Variants in CTNNA1 observed in about 807,000 individuals in gnomAD.
The protein encoded by CTNNA1 is catenin alpha 1, also known as catenin alpha-1.
In CTNNA1, 37 loss-of-function variants were observed where a neutral mutation model predicts 98.4. The observed-to-expected ratio is 0.38, with a 90% CI of 0.29 to 0.49. The LOEUF (loss-of-function observed/expected upper bound fraction) is 0.49. Among genes scored for constraint, CTNNA1 ranks in the 20% least tolerant of loss-of-function variants. The pLI is 0.95. For missense variants in CTNNA1, 761 were observed against 1,147.2 expected, an observed-to-expected ratio of 0.66 and a Z score of 4.86; for synonymous variants, 404 against 413.2, an observed-to-expected ratio of 0.98 and a Z score of 0.27.
At chr5:138,920,743 C>T (rs1009108331) in intron 11 of CTNNA1, among the ~76,000 whole-genome samples, 5 of 152,192 alleles carry the variant, frequency 3.3e-5, no homozygotes, top group African/African-American at 4.8e-5. Flanking sequence ...ATAGCACTGT[C>T]CAGTCACTGA....
In CTNNA1 at chr5:138,924,706, C is replaced by T. The variant is rs1438561310; in HGVS notation, c.1743C>T (p.Asn581=). Residue 581 remains asparagine, a synonymous_variant, in exon 12 of 18, where the codon AAC becomes AAT. Transcript: ENST00000302763. ...KVLEATKLLS[N]TVMPRFTEQV... is the part of the protein sequence containing the mutation. ...TGGAAGCCACTAAGCTGCTCTCCAA[C>T]ACAGGTACGGGAACTCTCCCTTTCC... 1.3e-6 allele frequency: 2 copies of T among 1,567,766 alleles called. No homozygotes were observed. Among genetic ancestry groups the T allele is most frequent in the East Asian group, 2.4e-5 (1 of 42,304 alleles).
intron 3 of CTNNA1, among the ~76,000 whole-genome samples, chr5:138,787,349 C>T (rs567689002): frequency 9.5e-4 from 145 of 151,880 alleles, no homozygotes; most frequent in African/African-American, 3.3e-3. Context: ...ACCTGGGAGG[C>T]GGAGCTGGCA....
At chr5:138,766,072 GTTAGA>G (rs1034696557) in intron 1 of CTNNA1, among the ~76,000 whole-genome samples, 6 of 151,902 alleles carry the variant, frequency 3.9e-5, no homozygotes, top group African/African-American at 4.8e-5. Flanking sequence ...TGTATAGAGT[GTTAGA>G]TTAGATGAAA....
intron 6 of CTNNA1, among the ~76,000 whole-genome samples, chr5:138,825,109 A>G (rs536755326): frequency 6.6e-6 from 1 of 152,154 alleles, no homozygotes; most frequent in Non-Finnish European, 1.5e-5. Context: ...ACCTTCTGGC[A>G]GATGTGAAGC....
intron 7 of CTNNA1, among the ~76,000 whole-genome samples, chr5:138,847,458 C>T (rs928713186): frequency 6.6e-6 from 1 of 152,050 alleles, no homozygotes; most frequent in Non-Finnish European, 1.5e-5. Context: ...AGTGGCAGGC[C>T]GATGTCATAA....
intron 7 of CTNNA1, among the ~76,000 whole-genome samples, chr5:138,848,130 T>G (rs2149836447): frequency 6.7e-6 from 1 of 150,110 alleles, no homozygotes; most frequent in African/African-American, 2.5e-5. Flanking sequence ...AAGATAAATT[T>G]GTTATTGAAG....
intron 13 of CTNNA1, among the ~76,000 whole-genome samples, chr5:138,927,986 A>G (rs930008849): frequency 1.3e-5 from 2 of 151,342 alleles, no homozygotes; most frequent in Non-Finnish European, 2.9e-5. Context: ...CCCCTGCGTG[A>G]GCGTCCACTG....
chr5:138,898,809 GTAGACTTTC>G (rs1757436800), intron 9 of CTNNA1, among the ~76,000 whole-genome samples: 1 of 152,074 alleles, frequency 6.6e-6, no homozygotes, highest in South Asian at 2.1e-4. Context: ...TAGTTAAATA[GTAGACTTTC>G]TCAGTTTATC....
intron 11 of CTNNA1, among the ~76,000 whole-genome samples, 159 bp downstream of exon 11, chr5:138,918,057 A>G (rs1762179482): frequency 6.6e-6 from 1 of 152,250 alleles, no homozygotes; most frequent in South Asian, 2.1e-4. Flanking sequence ...GCTATCAGCT[A>G]CAGGGTTTTC....
intron 7 of CTNNA1, among the ~76,000 whole-genome samples, chr5:138,853,194 G>A (rs1367115804): frequency 6.7e-6 from 1 of 150,314 alleles, no homozygotes; most frequent in Non-Finnish European, 1.5e-5. Flanking sequence ...TTATCCTCCC[G>A]CCTCGGCCTC....
intron 7 of CTNNA1, among the ~76,000 whole-genome samples, chr5:138,879,464 G>GTTT (rs796159363): frequency 6.6e-6 from 1 of 151,034 alleles, no homozygotes; most frequent in African/African-American, 2.4e-5. Context: ...TTGTTGTTGT[G>GTTT]TTTTTTTTGT....
intron 11 of CTNNA1, among the ~76,000 whole-genome samples, chr5:138,920,107 TAGC>T: frequency 6.6e-6 from 1 of 151,344 alleles, no homozygotes; most frequent in East Asian, 1.9e-4. Context: ...GCCTCCCGAG[TAGC>T]TGGGATTACA....
chr5:138,780,688 G>C (rs180773758), intron 1 of CTNNA1, among the ~76,000 whole-genome samples: 161 of 151,912 alleles, frequency 1.1e-3, no homozygotes, highest in Middle Eastern at 3.4e-3. Flanking sequence ...GGCTAATTTT[G>C]TATTTTTAGT....
chr5:138,899,309 T>A (rs1313830714), intron 9 of CTNNA1, among the ~76,000 whole-genome samples: 1 of 152,198 alleles, frequency 6.6e-6, no homozygotes, highest in Non-Finnish European at 1.5e-5. Flanking sequence ...TGAGGTAAAA[T>A]TTTCATTTAT....
chr5:138,890,256 A>G (rs906321253), intron 9 of CTNNA1, among the ~76,000 whole-genome samples: 3 of 152,172 alleles, frequency 2.0e-5, no homozygotes, highest in Non-Finnish European at 2.9e-5. Context: ...GTTTGGGTTG[A>G]GTGCTCCTCC....
Position 138,811,415 on chromosome 5 carries a change from C to T in CTNNA1, c.469-768C>T, listed in dbSNP as rs1275758132. The stretch of plus-strand genomic sequence containing the variant: ...AGATGGGATGGCGGCCGGGCAGAGA[C>T]GCTCCTCACTTTCCAGACTGGGCAG... On this transcript the variant is annotated intron_variant, in intron 4 of 17. Coordinates refer to ENST00000302763, the MANE Select transcript of CTNNA1 (RefSeq NM_001903.5). 2.8e-5 allele frequency among the ~76,000 whole-genome samples: 3 copies of T among 107,394 alleles called. No individual in the cohort carries two copies. In the South Asian group the frequency reaches 1.0e-3, roughly 37 times the overall value. 70.5% of individuals were successfully genotyped at this position (107,394 alleles called of 152,430 possible). A position where few individuals can be genotyped will look rare whatever the true frequency, so the allele number is the denominator to read the frequency against.
intron 10 of CTNNA1, among the ~76,000 whole-genome samples, chr5:138,908,289 A>G (rs949719283): frequency 6.6e-6 from 1 of 152,130 alleles, no homozygotes; most frequent in South Asian, 2.1e-4. Context: ...CCCTATAGCA[A>G]ATTAACTTTT....
Position 138,810,203 on chromosome 5 carries a change from T to C in CTNNA1, c.467T>C (p.Val156Ala). The change falls in exon 4 of 18, where the codon GTT (valine) becomes GCT (alanine). Residue 156 changes from valine to alanine, a missense_variant and splice_region_variant. Val to Ala is a moderately conservative substitution (Grantham distance 64, BLOSUM62 0). Around this residue, in one of 6 missense-constraint regions of CTNNA1, gnomAD observed 328 missense variants for 354.3 expected, o/e 0.93. Coordinates refer to ENST00000302763, the MANE Select transcript of CTNNA1 (RefSeq NM_001903.5). ...TACAAATTACTTGTTCAGCTGAAAG[T>C]TGTAAGTATACAGGCCTATGTCTGT... ...DVYKLLVQLK[V>A]VEDGILKLRN... 1 of 1,613,820 alleles carries C rather than the reference T, an allele frequency of 6.2e-7. No individual in the cohort carries two copies. Among genetic ancestry groups the C allele is most frequent in the East Asian group, 2.2e-5 (1 of 44,870 alleles).
At chr5:138,929,161 C>T (rs542178491) in intron 13 of CTNNA1, 85 bp from the exon 14 acceptor site, 3 of 796,294 alleles carry the variant, frequency 3.8e-6, no homozygotes, top group African/African-American at 1.7e-5. Context: ...TCTGGGCCTC[C>T]GTGCACCTGG....
Sources: allele counts gnomAD v4.1 joint callset (sites outside exome capture counted in the v4.1 genomes callset), GRCh38; gene constraint gnomAD v4.1.1; regional missense constraint gnomAD v4.1.1; transcripts MANE v1.5; gene names NCBI Gene and HGNC (gene_info 2026-07-23, HGNC 2026-07-21).